Variants in NHERF1 observed in about 807,000 individuals in gnomAD.
The protein encoded by NHERF1 is NHERF family PDZ scaffold protein 1, also known as Na(+)/H(+) exchange regulatory cofactor NHE-RF1.
chr17:74,755,565 G>A, the NHERF1 span, among the ~76,000 whole-genome samples: 1 of 152,240 alleles, frequency 6.6e-6, no homozygotes, highest in African/African-American at 2.4e-5. Context: ...GGAACACACA[G>A]AGAATGCTGG....
At chr17:74,751,971 T>G in the NHERF1 span, among the ~76,000 whole-genome samples, 4 of 152,228 alleles carry the variant, frequency 2.6e-5, no homozygotes, top group African/African-American at 9.6e-5. This position sits in a 1 kb window ranked among gnomAD's most constrained non-coding sequence, Gnocchi z 4.3. Flanking sequence ...GAGTCCAGGC[T>G]CAGCCAGCCT....
At chr17:74,760,168 G>T in the NHERF1 span, among the ~76,000 whole-genome samples, 7 of 152,124 alleles carry the variant, frequency 4.6e-5, no homozygotes, top group East Asian at 1.4e-3. This position sits in a 1 kb window ranked among gnomAD's most constrained non-coding sequence, Gnocchi z 4.5. Context: ...AGCTCTAGGG[G>T]AGAAGAGCCT....
the NHERF1 span, chr17:74,768,336 T>G: frequency 7.3e-7 from 1 of 1,376,060 alleles, no homozygotes; most frequent in East Asian, 2.3e-5. Flanking sequence ...GGTCACATGC[T>G]GAGCCGCATT....
At chr17:74,764,243 T>C in the NHERF1 span, among the ~76,000 whole-genome samples, 1 of 152,214 alleles carries the variant, frequency 6.6e-6, no homozygotes, top group Non-Finnish European at 1.5e-5. The surrounding 1 kb of genome is among the most constrained non-coding windows in gnomAD (Gnocchi z 4.9). Context: ...CTTGGGACTT[T>C]GCAGTGGGTG....
the NHERF1 span, among the ~76,000 whole-genome samples, chr17:74,757,792 C>G: frequency 6.6e-6 from 1 of 152,230 alleles, no homozygotes; most frequent in Non-Finnish European, 1.5e-5. Context: ...CCCCGCCGTC[C>G]TGCCCCCTTC....
chr17:74,755,353 T>C, the NHERF1 span, among the ~76,000 whole-genome samples: 2 of 152,124 alleles, frequency 1.3e-5, no homozygotes, highest in East Asian at 1.9e-4. Flanking sequence ...GGTAACCAAG[T>C]ATCTACCCCC....
the NHERF1 span, chr17:74,769,097 C>T: frequency 2.2e-5 from 4 of 179,976 alleles, no homozygotes; most frequent in Admixed American, 5.6e-5. Context: ...GTGGCAGACA[C>T]GTCTTGTTTT....
chr17:74,754,395 CTTT>C, the NHERF1 span, among the ~76,000 whole-genome samples: 6 of 134,506 alleles, frequency 4.5e-5, no homozygotes, highest in East Asian at 1.3e-3. Context: ...TTCTTTCTTT[CTTT>C]CTTTTTTTTT....
the NHERF1 span, among the ~76,000 whole-genome samples, chr17:74,760,974 C>T: frequency 6.6e-6 from 1 of 152,226 alleles, no homozygotes; most frequent in Non-Finnish European, 1.5e-5. This position sits in a 1 kb window ranked among gnomAD's most constrained non-coding sequence, Gnocchi z 4.5. Context: ...TGGCCCTGCA[C>T]CAGGCCTGGA....
chr17:74,764,747 G>A, the NHERF1 span, among the ~76,000 whole-genome samples: 1 of 152,340 alleles, frequency 6.6e-6, no homozygotes, highest in East Asian at 1.9e-4. The surrounding 1 kb of genome is among the most constrained non-coding windows in gnomAD (Gnocchi z 4.9). Context: ...GAGGCCTGGG[G>A]ACAGTCCCCT....
At chr17:74,757,210 G>T in the NHERF1 span, among the ~76,000 whole-genome samples, 475 of 152,302 alleles carry the variant, frequency 3.1e-3, 5 homozygotes, top group African/African-American at 0.01. Context: ...AGTCCTGGGG[G>T]TGTCTGTCAG....
the NHERF1 span, chr17:74,768,730 A>C: frequency 7.6e-7 from 1 of 1,319,110 alleles, no homozygotes; most frequent in Non-Finnish European, 1.1e-6. Flanking sequence ...CTCCCCAATT[A>C]CTCCCCTGAA....
the NHERF1 span, chr17:74,748,677 G>A: frequency 9.4e-5 from 57 of 605,018 alleles, no homozygotes; most frequent in Admixed American, 1.4e-3. The surrounding 1 kb of genome is among the most constrained non-coding windows in gnomAD (Gnocchi z 4.3). Context: ...TCGGCTCCTC[G>A]CGGCTCGCGG....
chr17:74,757,557 C>T, the NHERF1 span, among the ~76,000 whole-genome samples: 1 of 152,062 alleles, frequency 6.6e-6, no homozygotes. Flanking sequence ...GCCTGGAGCC[C>T]CTGGTCACTT....
the NHERF1 span, chr17:74,768,287 C>T: frequency 5.5e-6 from 8 of 1,452,958 alleles, no homozygotes; most frequent in Non-Finnish European, 7.7e-6. Flanking sequence ...AGCCGATTCC[C>T]AGGCCCCACT....
At chr17:74,758,462 G>A in the NHERF1 span, among the ~76,000 whole-genome samples, 7 of 152,328 alleles carry the variant, frequency 4.6e-5, no homozygotes, top group South Asian at 2.1e-4. This position sits in a 1 kb window ranked among gnomAD's most constrained non-coding sequence, Gnocchi z 4.3. Context: ...GCCCAGCTGC[G>A]CTGCCCATCG....
At chr17:74,761,957 A>C in the NHERF1 span, 1 of 1,594,094 alleles carries the variant, frequency 6.3e-7, no homozygotes, top group South Asian at 1.1e-5. The surrounding 1 kb of genome is among the most constrained non-coding windows in gnomAD (Gnocchi z 4.3). Flanking sequence ...GAGGACAGGG[A>C]AGGCAGAACC....
At chr17:74,751,564 G>A in the NHERF1 span, among the ~76,000 whole-genome samples, 1 of 152,252 alleles carries the variant, frequency 6.6e-6, no homozygotes, top group South Asian at 2.1e-4. The surrounding 1 kb of genome is among the most constrained non-coding windows in gnomAD (Gnocchi z 4.3). Context: ...GCTGAGGGGT[G>A]CCTGTAACAC....
chr17:74,764,905 C>G, the NHERF1 span, among the ~76,000 whole-genome samples: 1 of 152,152 alleles, frequency 6.6e-6, no homozygotes, highest in Admixed American at 6.6e-5. This position sits in a 1 kb window ranked among gnomAD's most constrained non-coding sequence, Gnocchi z 4.9. Flanking sequence ...TGTCCTTGCC[C>G]GGGGAAGGCT....
Sources: allele counts gnomAD v4.1 joint callset (sites outside exome capture counted in the v4.1 genomes callset), GRCh38; gene constraint gnomAD v4.1.1; non-coding constraint Gnocchi (gnomAD v3.1); transcripts MANE v1.5; gene names NCBI Gene and HGNC (gene_info 2026-07-23, HGNC 2026-07-21).